AFAP1L2: variants seen among roughly 807,000 people sequenced by gnomAD.
AFAP1L2 encodes the protein actin filament associated protein 1 like 2, also known as actin filament-associated protein 1-like 2.
Under a neutral mutation model 99.3 loss-of-function variants are expected in AFAP1L2, and 46 were observed. The observed-to-expected ratio is 0.46, with a 90% confidence interval of 0.37 to 0.59. The LOEUF (loss-of-function observed/expected upper bound fraction) is 0.59. Among genes scored for constraint, AFAP1L2 ranks in the 20% least tolerant of loss-of-function variants. AFAP1L2 has a pLI of 0.00. For synonymous variants in AFAP1L2, 397 were observed against 419.1 expected (o/e 0.95, Z 0.64); for missense variants, 959 against 1,034.9 (o/e 0.93, Z 1.01).
intron 7 of AFAP1L2, among the ~76,000 whole-genome samples, chr10:114,310,653 CGTT>C (rs1564825844): frequency 6.6e-6 from 1 of 152,204 alleles, no homozygotes; most frequent in African/African-American, 2.4e-5. Flanking sequence ...GGGGAGGGCT[CGTT>C]GTTTAGCTCC....
At position 114,313,922 on chromosome 10, in the gene AFAP1L2, A is replaced by G. The variant is rs543820340; in HGVS notation, c.741T>C (p.Asp247=). 2.5e-6 allele frequency: 4 copies of G among 1,613,636 alleles called. No individual in the cohort carries two copies. The highest frequency in any genetic ancestry group is 3.4e-6 in the Non-Finnish European group (4 of 1,179,900). The stretch of plus-strand genomic sequence containing the variant: ...TGCTCTGCAGGCCCAGCACAATCAC[A>G]TCGGCATTCATCGGCGTGATCTTCA... ...HKLKITPMNA[D]VIVLGLQSKD... The change falls in exon 7 of 19, where the codon GAT becomes GAC. Residue 247 remains aspartate (D), a synonymous_variant. Transcript: ENST00000304129.
intron 1 of AFAP1L2, 105 bp downstream of exon 1, chr10:114,404,335 G>T (rs555546530): frequency 8.5e-6 from 11 of 1,294,670 alleles, no homozygotes; most frequent in African/African-American, 1.5e-5. Flanking sequence ...GGGGCAGTGG[G>T]CTCTGCTTAT....
At chr10:114,309,592 A>G (rs1422542008) in intron 8 of AFAP1L2, among the ~76,000 whole-genome samples, 2 of 147,360 alleles carry the variant, frequency 1.4e-5, no homozygotes, top group African/African-American at 2.5e-5. Context: ...ACCTAATTCA[A>G]CTTTTTCAGC....
intron 18 of AFAP1L2, 105 bp from the exon 19 acceptor site, chr10:114,296,173 T>G (rs569159035): frequency 6.7e-7 from 1 of 1,482,212 alleles, no homozygotes; most frequent in Non-Finnish European, 9.4e-7. Flanking sequence ...GAAAAACTAT[T>G]TTAGGCACAG....
chr10:114,381,126 C>A (rs2055556485), intron 1 of AFAP1L2, among the ~76,000 whole-genome samples: 1 of 152,112 alleles, frequency 6.6e-6, no homozygotes, highest in South Asian at 2.1e-4. Context: ...TGGAAACAAC[C>A]CGAATTTCCA....
chr10:114,365,424 A>G (rs1315227571), intron 1 of AFAP1L2, among the ~76,000 whole-genome samples: 1 of 152,364 alleles, frequency 6.6e-6, no homozygotes, highest in East Asian at 1.9e-4. Context: ...TATGTTTCAA[A>G]TAATTTTTTT....
intron 1 of AFAP1L2, among the ~76,000 whole-genome samples, chr10:114,356,806 G>C (rs2051456979): frequency 6.6e-6 from 1 of 152,178 alleles, no homozygotes; most frequent in Non-Finnish European, 1.5e-5. Context: ...TCTTGAATGA[G>C]AATTCCATGG....
chr10:114,286,413 C>T, the AFAP1L2 span: 1 of 1,613,910 alleles, frequency 6.2e-7, no homozygotes, highest in Non-Finnish European at 8.5e-7. Flanking sequence ...GAGGAGATCA[C>T]AGGCAGCCCA....
At chr10:114,404,524 C>T, upstream of AFAP1L2, 1 of 1,495,942 alleles carries the variant, frequency 6.7e-7, no homozygotes, top group Non-Finnish European at 8.9e-7. Context: ...GCTCAGCGCC[C>T]AGGCCGCCGC....
intron 5 of AFAP1L2, 133 bp downstream of exon 5, chr10:114,323,038 G>A (rs537655967): frequency 1.3e-6 from 1 of 783,178 alleles, no homozygotes; most frequent in Non-Finnish European, 2.0e-6. Context: ...ATGCTTTCCT[G>A]TCACAGCAGC....
At chr10:114,386,253 G>A (rs1485066387) in intron 1 of AFAP1L2, among the ~76,000 whole-genome samples, 1 of 151,974 alleles carries the variant, frequency 6.6e-6, no homozygotes, top group Non-Finnish European at 1.5e-5. Flanking sequence ...AAAGGAAAAG[G>A]AACTGGGCAT....
chr10:114,292,216 A>G (rs1359460965), downstream of AFAP1L2, among the ~76,000 whole-genome samples: 1 of 150,532 alleles, frequency 6.6e-6, no homozygotes, highest in Admixed American at 6.6e-5. Context: ...GGCGGAAGTT[A>G]CAGTGAGCCG....
chr10:114,387,095 A>G (rs1034388494), intron 1 of AFAP1L2, among the ~76,000 whole-genome samples: 6 of 151,906 alleles, frequency 3.9e-5, no homozygotes, highest in Non-Finnish European at 7.4e-5. Context: ...GGCCATAAAT[A>G]CTCTAGAACT....
In AFAP1L2 at chr10:114,344,871, C is replaced by T. The variant is rs769056929; in HGVS notation, c.17-4140G>A. Among the ~76,000 whole-genome samples the T allele has an allele frequency of 7.9e-5, 12 of 151,998 alleles. No homozygotes were observed. In the South Asian group the frequency reaches 1.2e-3, roughly 16 times the overall value. Reference sequence around the variant, plus strand: ...CAGCACTTTGGGAGGCCAAGGTGGGCGGATCACCTGAGATCAGGAGTTCGA... The same window carrying T: ...CAGCACTTTGGGAGGCCAAGGTGGGTGGATCACCTGAGATCAGGAGTTCGA... On this transcript the variant is annotated intron_variant, in intron 1 of 18. Transcript: ENST00000304129.
chr10:114,286,234 G>A, the AFAP1L2 span: 241 of 1,613,344 alleles, frequency 1.5e-4, 2 homozygotes, highest in Middle Eastern at 2.3e-3. Flanking sequence ...AGGCGGCAGA[G>A]CGTGGCTTCG....
At chr10:114,355,157 G>A (rs1375393590) in intron 1 of AFAP1L2, among the ~76,000 whole-genome samples, 9 of 152,110 alleles carry the variant, frequency 5.9e-5, no homozygotes, top group Admixed American at 3.9e-4. Context: ...GGCTGTAATC[G>A]GTGCTATTTA....
chr10:114,403,546 A>T (rs1006280440), intron 1 of AFAP1L2, among the ~76,000 whole-genome samples: 1 of 152,072 alleles, frequency 6.6e-6, no homozygotes, highest in Non-Finnish European at 1.5e-5. Flanking sequence ...TCCAAAGGGA[A>T]GGGGTCTGCA....
intron 8 of AFAP1L2, among the ~76,000 whole-genome samples, chr10:114,309,800 C>T (rs1385449024): frequency 2.0e-5 from 3 of 152,162 alleles, no homozygotes; most frequent in African/African-American, 7.2e-5. Context: ...TAAAGCTTCC[C>T]CCTGTCTCCC....
chr10:114,348,719 C>G (rs971280163), intron 1 of AFAP1L2, among the ~76,000 whole-genome samples: 1 of 152,162 alleles, frequency 6.6e-6, no homozygotes, highest in Non-Finnish European at 1.5e-5. Flanking sequence ...ATTCTCAGCC[C>G]GGGCTGCACA....
Sources: gnomAD v4.1 joint callset for allele counts (sites outside exome capture counted in the v4.1 genomes callset) on GRCh38, gnomAD v4.1.1 for gene constraint, MANE v1.5 for transcripts, NCBI Gene and HGNC (gene_info 2026-07-23, HGNC 2026-07-21) for gene names.